C3orf20: variants seen among roughly 807,000 people sequenced by gnomAD.
C3orf20 encodes family with sequence similarity 149 member C, also known as uncharacterized protein C3orf20.
In C3orf20, 76 loss-of-function variants were observed where a neutral mutation model predicts 88.3. That is an observed-to-expected ratio of 0.86 (90% confidence interval 0.72 to 1.04). C3orf20 has a LOEUF of 1.04. Among genes scored for constraint, C3orf20 ranks in the 50% least tolerant of loss-of-function variants. The pLI, the probability that C3orf20 is intolerant of heterozygous loss-of-function variation, is 0.00. For missense variants in C3orf20, 1,056 were observed against 1,123.3 expected, an observed-to-expected ratio of 0.94 and a Z score of 0.86; for synonymous variants, 436 against 437.4, an observed-to-expected ratio of 1.00 and a Z score of 0.04.
chr3:14,705,264 T>C (rs1041099808), intron 7 of C3orf20, among the ~76,000 whole-genome samples: 7 of 152,270 alleles, frequency 4.6e-5, no homozygotes, highest in African/African-American at 1.7e-4. Context: ...TAAGCACTTA[T>C]CTATACATGC....
intron 5 of C3orf20, among the ~76,000 whole-genome samples, chr3:14,695,315 G>T (rs62233764): frequency 6.6e-6 from 1 of 150,850 alleles, no homozygotes. Flanking sequence ...TCCTCTTGTT[G>T]ATCTCTAGTT....
intron 7 of C3orf20, among the ~76,000 whole-genome samples, chr3:14,711,455 T>C (rs542415361): frequency 6.6e-6 from 1 of 152,268 alleles, no homozygotes; most frequent in African/African-American, 2.4e-5. Context: ...TTAACATCTA[T>C]TTTGCATGGT....
intron 15 of C3orf20, among the ~76,000 whole-genome samples, chr3:14,764,334 A>G (rs531589877): frequency 1.3e-5 from 2 of 152,300 alleles, no homozygotes; most frequent in South Asian, 2.1e-4. Context: ...ATCCTAGAAT[A>G]GCCAAGTGGG....
Position 14,682,776 on chromosome 3 carries a change from A to C in C3orf20, c.63A>C (p.Leu21=), listed in dbSNP as rs1012201764. ...YQQYTAMAPK[L]LARISKLLMI... ...AATACACAGCCATGGCCCCCAAGCT[A>C]CTGGCCCGCATCTCCAAACTCCTCA... is the stretch of plus-strand genomic sequence containing the variant. Residue 21 remains leucine, a synonymous_variant, in exon 3 of 17, where the codon CTA becomes CTC. Transcript: ENST00000253697. 1 of 1,614,034 alleles carries C rather than the reference A, an allele frequency of 6.2e-7. No homozygotes were observed. The highest frequency in any genetic ancestry group is 1.3e-5 in the African/African-American group (1 of 74,914).
chr3:14,683,233 C>G (rs781161359), intron 3 of C3orf20, 36 bp downstream of exon 3: 2 of 1,530,086 alleles, frequency 1.3e-6, no homozygotes, highest in Non-Finnish European at 1.8e-6. Flanking sequence ...GCCCACCACA[C>G]CCACTACAGA....
intron 10 of C3orf20, among the ~76,000 whole-genome samples, chr3:14,724,570 C>G (rs951408483): frequency 6.6e-6 from 1 of 152,134 alleles, no homozygotes; most frequent in African/African-American, 2.4e-5. Context: ...TGTGACAAGT[C>G]CAAATGGAGA....
chr3:14,752,652 A>G (rs1350567375), intron 12 of C3orf20, among the ~76,000 whole-genome samples: 1 of 152,248 alleles, frequency 6.6e-6, no homozygotes, highest in Non-Finnish European at 1.5e-5. Context: ...AAAAAAACAA[A>G]CAACCCCATC....
chr3:14,754,480 A>T (rs1227973946), intron 12 of C3orf20, among the ~76,000 whole-genome samples: 1 of 152,228 alleles, frequency 6.6e-6, no homozygotes, highest in African/African-American at 2.4e-5. Context: ...GCAGGGGAGT[A>T]AGCTTAAAAT....
At chr3:14,684,606 A>C (rs754911514) in intron 4 of C3orf20, among the ~76,000 whole-genome samples, 5 of 152,230 alleles carry the variant, frequency 3.3e-5, no homozygotes, top group Non-Finnish European at 7.3e-5. Context: ...GCTACACCTC[A>C]CAACCCAGCA....
intron 5 of C3orf20, among the ~76,000 whole-genome samples, chr3:14,700,794 A>G (rs1054608284): frequency 4.6e-5 from 7 of 152,218 alleles, no homozygotes; most frequent in Admixed American, 1.3e-4. Context: ...ATATGTATGA[A>G]TGATGCCTGG....
chr3:14,685,537 C>T (rs2032364083), intron 4 of C3orf20, among the ~76,000 whole-genome samples: 1 of 151,180 alleles, frequency 6.6e-6, no homozygotes, highest in South Asian at 2.1e-4. Flanking sequence ...ACAAAATCTA[C>T]TCCCCAAGCA....
intron 12 of C3orf20, among the ~76,000 whole-genome samples, chr3:14,742,079 T>C (rs1261854282): frequency 6.6e-6 from 1 of 152,120 alleles, no homozygotes; most frequent in Non-Finnish European, 1.5e-5. Flanking sequence ...TCAGCAAGAG[T>C]GGAAGCAAAC....
chr3:14,693,180 A>G (rs747936383), intron 5 of C3orf20, among the ~76,000 whole-genome samples: 1 of 152,024 alleles, frequency 6.6e-6, no homozygotes. Context: ...TATTATTTTT[A>G]TTTATGATAG....
chr3:14,702,639 C>T (rs1028924556), intron 5 of C3orf20, among the ~76,000 whole-genome samples: 7 of 152,080 alleles, frequency 4.6e-5, no homozygotes, highest in Non-Finnish European at 7.4e-5. Flanking sequence ...CGGGGTTTCA[C>T]CATGTTGGCC....
chr3:14,725,770 AAG>A (rs1559423245), intron 10 of C3orf20, among the ~76,000 whole-genome samples: 1 of 152,082 alleles, frequency 6.6e-6, no homozygotes, highest in Non-Finnish European at 1.5e-5. Context: ...AATTCCACAG[AAG>A]AGAGTTTTTT....
At chr3:14,726,624 T>C (rs2034356570) in intron 10 of C3orf20, among the ~76,000 whole-genome samples, 1 of 152,176 alleles carries the variant, frequency 6.6e-6, no homozygotes, top group South Asian at 2.1e-4. Flanking sequence ...CTAACTTCCA[T>C]CTTCAAGCTG....
At chr3:14,735,745 C>G (rs2034687846) in intron 12 of C3orf20, among the ~76,000 whole-genome samples, 2 of 152,058 alleles carry the variant, frequency 1.3e-5, no homozygotes, top group Non-Finnish European at 2.9e-5. Flanking sequence ...AGGTGCCCAC[C>G]ACCACGCCTG....
chr3:14,716,022 G>C (rs1471852178), intron 9 of C3orf20, among the ~76,000 whole-genome samples: 1 of 152,148 alleles, frequency 6.6e-6, no homozygotes, highest in African/African-American at 2.4e-5. Flanking sequence ...ACTTATCTGT[G>C]GCAGAGTTCC....
chr3:14,752,222 A>G (rs1342671222), intron 12 of C3orf20, among the ~76,000 whole-genome samples: 4 of 152,196 alleles, frequency 2.6e-5, no homozygotes, highest in Admixed American at 2.6e-4. Context: ...ACAAATACAC[A>G]CAATGGGGAA....
Sources: gnomAD v4.1 joint callset for allele counts (sites outside exome capture counted in the v4.1 genomes callset) on GRCh38, gnomAD v4.1.1 for gene constraint, MANE v1.5 for transcripts, NCBI Gene and HGNC (gene_info 2026-07-23, HGNC 2026-07-21) for gene names.